Variants in ATAD5 observed in about 807,000 individuals in gnomAD.
The protein encoded by ATAD5 is ATPase family AAA domain containing 5, also known as ATPase family AAA domain-containing protein 5.
ATAD5 carries 58 observed loss-of-function variants against 176.9 expected under a neutral mutation model. The ratio of observed to expected loss-of-function variants is 0.33; its 90% CI spans 0.27 to 0.41. The LOEUF (loss-of-function observed/expected upper bound fraction) is 0.41. Among genes scored for constraint, ATAD5 ranks in the 10% least tolerant of loss-of-function variants. The pLI is 1.00. For synonymous variants in ATAD5, 640 were observed against 712.6 expected (o/e 0.90, Z 1.62); for missense variants, 1,789 against 2,094.1 (o/e 0.85, Z 2.84).
intron 14 of ATAD5, among the ~76,000 whole-genome samples, chr17:30,875,161 G>T (rs1349880144): frequency 6.6e-6 from 1 of 152,096 alleles, no homozygotes; most frequent in Non-Finnish European, 1.5e-5. Context: ...ATGTGAGGAA[G>T]ATCCTGTTCT....
chr17:30,867,583 T>C (rs558043485), intron 11 of ATAD5, among the ~76,000 whole-genome samples: 7 of 152,262 alleles, frequency 4.6e-5, no homozygotes, highest in Admixed American at 1.3e-4. Flanking sequence ...ATATTAGGCA[T>C]CTTTCATGGA....
intron 18 of ATAD5, among the ~76,000 whole-genome samples, chr17:30,884,644 G>C (rs1031118173): frequency 6.6e-6 from 1 of 150,606 alleles, no homozygotes; most frequent in Non-Finnish European, 1.5e-5. Flanking sequence ...GGCCAGGCTT[G>C]TCTCGAACTC....
At chr17:30,852,072 C>G (rs1372715581) in intron 6 of ATAD5, among the ~76,000 whole-genome samples, 1 of 152,166 alleles carries the variant, frequency 6.6e-6, no homozygotes, top group Non-Finnish European at 1.5e-5. Flanking sequence ...ATGATGGTTT[C>G]CAAATGGCAA....
rs1236569764 is a variant in ATAD5, at chr17:30,835,589, A to C, written c.1508A>C (p.Lys503Thr). 1.9e-6 allele frequency: 3 copies of C among 1,612,156 alleles called. No individual in the cohort carries two copies. The highest frequency in any genetic ancestry group is 1.3e-5 in the African/African-American group (1 of 74,854). ...GKNREGNTQK[K>T]ETTFFLKEKQ... The stretch of plus-strand genomic sequence containing the variant: ...AACAGAGAGGGAAACACTCAAAAGA[A>C]AGAAACAACCTTTTTCTTAAAAGAG... Residue 503 changes from lysine (K) to threonine (T), a missense_variant, in exon 2 of 23, where the codon AAA becomes ACA. Physicochemically the swap from Lys to Thr is moderately conservative, Grantham distance 78. Around this residue, in one of 6 missense-constraint regions of ATAD5, gnomAD observed 696 missense variants for 712.5 expected, o/e 0.98. Transcript: ENST00000321990.
rs1466975894 is a variant in ATAD5, at chr17:30,835,604, T to C, written c.1523T>C (p.Phe508Ser). Reference sequence around the variant, plus strand: ...ACTCAAAAGAAAGAAACAACCTTTTTCTTAAAAGAGAAACAATATCAAAAT... The same window carrying C: ...ACTCAAAAGAAAGAAACAACCTTTTCCTTAAAAGAGAAACAATATCAAAAT... The part of the protein sequence containing the change: ...GNTQKKETTF[F>S]LKEKQYQNRM... The change falls in exon 2 of 23, where the codon TTC becomes TCC. Residue 508 changes from phenylalanine (F) to serine (S), a missense_variant. By Grantham distance (155) the Phe-to-Ser change is radical. Coordinates refer to ENST00000321990, the MANE Select transcript of ATAD5 (RefSeq NM_024857.5). The C allele has an allele frequency of 6.2e-7, 1 of 1,612,202 alleles. No individual in the cohort carries two copies. The highest frequency in any genetic ancestry group is 8.5e-7 in the Non-Finnish European group (1 of 1,179,036).
In ATAD5 at chr17:30,893,471, G is replaced by A; in HGVS notation, c.4618G>A (p.Ala1540Thr). The A allele has an allele frequency of 6.2e-7, 1 of 1,613,588 alleles. No individual in the cohort carries two copies. The highest frequency in any genetic ancestry group is 1.3e-5 in the African/African-American group (1 of 74,986). Residue 1540 changes from alanine (A) to threonine (T), a missense_variant, in exon 21 of 23, where the codon GCA becomes ACA. Coordinates refer to ENST00000321990, the MANE Select transcript of ATAD5 (RefSeq NM_024857.5). ...ATCAGTAACTGTGGATGCCAGTGCA[G>A]CAACAAAAAGTATGAATTGTCTTGC... ...GPSVTVDASA[A>T]TKSMNCLARK...
At chr17:30,844,551 CT>C (rs145866847) in intron 5 of ATAD5, among the ~76,000 whole-genome samples, 56 of 139,484 alleles carry the variant, frequency 4.0e-4, no homozygotes, top group Non-Finnish European at 4.6e-4. Context: ...AAGAGTTTTT[CT>C]TTTTTTTTTT....
chr17:30,861,145 A>G (rs557836027), intron 10 of ATAD5, among the ~76,000 whole-genome samples: 2 of 151,478 alleles, frequency 1.3e-5, no homozygotes, highest in East Asian at 3.9e-4. Flanking sequence ...ACAGAGTTTT[A>G]CCATGTTGGC....
At chr17:30,850,427 C>G (rs1597963913) in intron 6 of ATAD5, among the ~76,000 whole-genome samples, 1 of 150,504 alleles carries the variant, frequency 6.6e-6, no homozygotes, top group South Asian at 2.1e-4. Context: ...GTGGTGTGCT[C>G]ACAGCTCACT....
At chr17:30,850,833 T>TATTTATATATA (rs1906849991) in intron 6 of ATAD5, among the ~76,000 whole-genome samples, 1 of 27,832 alleles carries the variant, frequency 3.6e-5, no homozygotes, top group Non-Finnish European at 5.9e-5. Context: ...TTATATATTT[T>TATTTATATATA]TATATATATA....
At position 30,858,178 on chromosome 17, in the gene ATAD5, G is replaced by T. The variant is rs1227395944; in HGVS notation, c.2811G>T (p.Lys937Asn). The part of the protein sequence containing the change: ...NSAAVFMRTR[K>N]EFTEEVRNLL... ...TATTGCAGTTCATGAGGACAAGGAA[G>T]GAATTTACTGAAGAAGTAAGAAATC... Residue 937 changes from lysine to asparagine, a missense_variant, in exon 9 of 23, where the codon AAG becomes AAT. Physicochemically the swap from Lys to Asn is moderately conservative, Grantham distance 94. Transcript: ENST00000321990. 6 of 1,564,824 alleles carry T rather than the reference G, an allele frequency of 3.8e-6. No individual in the cohort carries two copies. Among genetic ancestry groups the T allele is most frequent in the Non-Finnish European group, 5.2e-6 (6 of 1,158,118 alleles).
At chr17:30,839,089 G>A (rs192103489) in intron 3 of ATAD5, among the ~76,000 whole-genome samples, 1 of 152,100 alleles carries the variant, frequency 6.6e-6, no homozygotes, top group Non-Finnish European at 1.5e-5. Flanking sequence ...GACTCCCACA[G>A]TGCTGTGCTG....
chr17:30,887,165 A>G lies in ATAD5; in HGVS notation c.4078-27A>G, dbSNP rs143506117. The G allele has an allele frequency of 5.4e-4, 834 of 1,541,200 alleles. 1 individual carries two copies. The African/African-American group carries it at 9.5e-3, about 18-fold the overall frequency. On this transcript the variant is annotated intron_variant, in intron 18 of 22. Coordinates refer to ENST00000321990, the MANE Select transcript of ATAD5 (RefSeq NM_024857.5). ...CTGTATCTATTTGAACTCAGCAGTT[A>G]ACCACATTTCTCTCTCTGTTTTGAA...
In ATAD5 at chr17:30,857,462, C is replaced by T. The variant is rs185966885; in HGVS notation, c.2793+350C>T. On this transcript the variant is annotated intron_variant, in intron 8 of 22. Transcript: ENST00000321990. ...AACTCCCTACTTCAGGTGATTCCCCCGCCTCGGCCTCACAAAGTGCTGGGG... is the reference window on the plus strand; with the variant it reads ...AACTCCCTACTTCAGGTGATTCCCCTGCCTCGGCCTCACAAAGTGCTGGGG... Among the ~76,000 whole-genome samples the T allele has an allele frequency of 4.1e-3, 631 of 152,082 alleles. 20 individuals carry two copies. The highest frequency in any genetic ancestry group is 0.039 in the Admixed American group (594 of 15,264).
chr17:30,832,176 T>A lies in ATAD5; in HGVS notation c.-172T>A. 1 of 429,414 alleles carries A rather than the reference T, an allele frequency of 2.3e-6. No individual in the cohort carries two copies. The highest frequency in any genetic ancestry group is 7.3e-5 in the South Asian group (1 of 13,708). 26.6% of individuals were successfully genotyped at this position (429,414 alleles called of 1,614,324 possible). A position where few individuals can be genotyped will look rare whatever the true frequency, so the allele number is the denominator to read the frequency against. On this transcript the variant is annotated 5_prime_UTR_variant, in exon 1 of 23. Coordinates refer to ENST00000321990, the MANE Select transcript of ATAD5 (RefSeq NM_024857.5). The stretch of plus-strand genomic sequence containing the variant: ...CTTTCCGTGTTCGATTCGGCTGATC[T>A]GGGCCCAGCCTCCGCTCCCGCTCTC...
In ATAD5 at chr17:30,849,003, TG is replaced by T. The variant is rs567087008; in HGVS notation, c.2450+4090del. Among the ~76,000 whole-genome samples the T allele has an allele frequency of 4.0e-3, 612 of 152,280 alleles. 3 individuals are homozygous for T. The highest frequency in any genetic ancestry group is 0.026 in the South Asian group (125 of 4,830). ...CTTGTGCATCAGCCTCCTGAGTAGCTGGGACGACAGGCCTACGCCACCATGC... is the reference window on the plus strand; with the variant it reads ...CTTGTGCATCAGCCTCCTGAGTAGCTGGACGACAGGCCTACGCCACCATGC... On this transcript the variant is annotated intron_variant, in intron 6 of 22. Transcript: ENST00000321990.
At chr17:30,840,880 G>T in intron 4 of ATAD5, 99 bp downstream of exon 4, 1 of 1,239,266 alleles carries the variant, frequency 8.1e-7, no homozygotes. Context: ...AGGTTTGTGT[G>T]ATAGCTTGAA....
At chr17:30,846,806 C>T (rs754066315) in intron 6 of ATAD5, among the ~76,000 whole-genome samples, 5 of 151,644 alleles carry the variant, frequency 3.3e-5, no homozygotes, top group Non-Finnish European at 7.4e-5. Flanking sequence ...CCGCAACCTC[C>T]ACCTCCCAGG....
At position 30,893,681 on chromosome 17, in the gene ATAD5, G is replaced by C; in HGVS notation, c.4828G>C (p.Glu1610Gln). ...NAEESKTGDE[E>Q]SKARDKGNNP... ...AGAAGAAAGCAAAACCGGAGACGAA[G>C]AAAGCAAAGCCAGAGACAAAGGAAA... Residue 1610 changes from glutamate (E) to glutamine (Q), a missense_variant, in exon 21 of 23, where the codon GAA (glutamate) becomes CAA (glutamine). By Grantham distance (29) the Glu-to-Gln change is conservative. Coordinates refer to ENST00000321990, the MANE Select transcript of ATAD5 (RefSeq NM_024857.5). 1 of 1,613,278 alleles carries C rather than the reference G, an allele frequency of 6.2e-7. No individual in the cohort carries two copies. The highest frequency in any genetic ancestry group is 8.5e-7 in the Non-Finnish European group (1 of 1,179,756).
Sources: allele counts gnomAD v4.1 joint callset (sites outside exome capture counted in the v4.1 genomes callset), GRCh38; gene constraint gnomAD v4.1.1; regional missense constraint gnomAD v4.1.1; transcripts MANE v1.5; gene names NCBI Gene and HGNC (gene_info 2026-07-23, HGNC 2026-07-21).